GLRA3: variants seen among roughly 807,000 people sequenced by gnomAD.
The protein encoded by GLRA3 is glycine receptor subunit alpha-3.
Under a neutral mutation model 60.4 loss-of-function variants are expected in GLRA3, and 44 were observed. The ratio of observed to expected loss-of-function variants is 0.73; its 90% CI spans 0.57 to 0.94. GLRA3 has a LOEUF of 0.94. Ranked by LOEUF, GLRA3 falls within the 40% of genes least tolerant of loss-of-function variation. The pLI is 0.00. For synonymous variants in GLRA3, 223 were observed against 192.9 expected, an observed-to-expected ratio of 1.16 and a Z score of -1.29; for missense variants, 508 against 564.6, an observed-to-expected ratio of 0.90 and a Z score of 1.02.
At chr4:174,788,676 C>A in intron 2 of GLRA3, 140 bp downstream of exon 2, 57 of 298,274 alleles carry the variant, frequency 1.9e-4, no homozygotes, top group Middle Eastern at 1.0e-3. Context: ...ATTTCTTTTT[C>A]AAGACACCTT....
At chr4:174,742,776 G>T (rs1248614569) in intron 3 of GLRA3, among the ~76,000 whole-genome samples, 1 of 152,172 alleles carries the variant, frequency 6.6e-6, no homozygotes, top group Non-Finnish European at 1.5e-5. Context: ...GAAGATAATT[G>T]CTATGAATAC....
At chr4:174,778,457 AC>A (rs1275519764) in intron 2 of GLRA3, among the ~76,000 whole-genome samples, 3 of 152,124 alleles carry the variant, frequency 2.0e-5, no homozygotes, top group Non-Finnish European at 2.9e-5. Flanking sequence ...AAGAAAAAAA[AC>A]ACAGGGGGGA....
chr4:174,783,827 C>T (rs1738999807), intron 2 of GLRA3, among the ~76,000 whole-genome samples: 1 of 152,142 alleles, frequency 6.6e-6, no homozygotes, highest in African/African-American at 2.4e-5. Context: ...TCAACAGGTG[C>T]TGGAGAGGAT....
In GLRA3 at chr4:174,643,510, G is replaced by T; in HGVS notation, c.*276C>A. Reference sequence around the variant, plus strand: ...TATTATATAACATATAAACACATTGGCAGTAAAGCTTCCACTTACATGGTT... The same window carrying T: ...TATTATATAACATATAAACACATTGTCAGTAAAGCTTCCACTTACATGGTT... On this transcript the variant is annotated 3_prime_UTR_variant, in exon 10 of 10. Transcript: ENST00000274093. 2 of 1,068,302 alleles carry T rather than the reference G, an allele frequency of 1.9e-6. No individual in the cohort carries two copies. Among genetic ancestry groups the T allele is most frequent in the Non-Finnish European group, 2.3e-6 (2 of 881,256 alleles). The allele number at this position is 1,068,302 out of a possible 1,614,324, so 66.2% of individuals were successfully genotyped here.
At chr4:174,664,951 T>C (rs1383599700) in intron 7 of GLRA3, among the ~76,000 whole-genome samples, 1 of 152,136 alleles carries the variant, frequency 6.6e-6, no homozygotes. Flanking sequence ...TAATGGAGCT[T>C]ATACTCAAGT....
Position 174,783,247 on chromosome 4 carries a change from G to T in GLRA3, c.199+5569C>A, listed in dbSNP as rs1176397098. ...GATTCCCTATTTAATAAGTGGTGCT[G>T]GGAAAACTGGCTAGCCATATGTAGA... is the stretch of plus-strand genomic sequence containing the variant. On this transcript the variant is annotated intron_variant, in intron 2 of 9. Transcript: ENST00000274093. Among the ~76,000 whole-genome samples the T allele has an allele frequency of 1.4e-4, 21 of 146,244 alleles. No individual in the cohort carries two copies. In the South Asian group the frequency reaches 3.8e-3, roughly 27 times the overall value.
At chr4:174,786,482 G>T (rs1739135651) in intron 2 of GLRA3, among the ~76,000 whole-genome samples, 1 of 152,068 alleles carries the variant, frequency 6.6e-6, no homozygotes, top group African/African-American at 2.4e-5. Flanking sequence ...TTAGGTATTG[G>T]ATTCAGTTTG....
intron 5 of GLRA3, among the ~76,000 whole-genome samples, chr4:174,685,178 A>T (rs1734507841): frequency 6.6e-6 from 1 of 152,172 alleles, no homozygotes; most frequent in Non-Finnish European, 1.5e-5. Context: ...GTTAAGCTGA[A>T]TAGAACATTG....
In GLRA3 at chr4:174,641,742, C is replaced by T. The variant is rs1579374600; in HGVS notation, c.*2044G>A. The T allele has an allele frequency of 6.6e-6, 1 of 152,050 alleles. No homozygotes were observed. Among genetic ancestry groups the T allele is most frequent in the East Asian group, 1.9e-4 (1 of 5,180 alleles). 9.4% of individuals were successfully genotyped at this position (152,050 alleles called of 1,614,324 possible). A position where few individuals can be genotyped will look rare whatever the true frequency, so the allele number is the denominator to read the frequency against. Reference sequence around the variant, plus strand: ...TTTGCATTCATTATATTTCTGTTTGCTCCTGGCAGAATTCACTTAAGCAAT... The same window carrying T: ...TTTGCATTCATTATATTTCTGTTTGTTCCTGGCAGAATTCACTTAAGCAAT... On this transcript the variant is annotated 3_prime_UTR_variant, in exon 10 of 10. Transcript: ENST00000274093.
chr4:174,822,470 CA>C (rs1311284103), intron 1 of GLRA3, among the ~76,000 whole-genome samples: 1 of 152,096 alleles, frequency 6.6e-6, no homozygotes, highest in African/African-American at 2.4e-5. Context: ...AAACAGAGGA[CA>C]TTTTATTTTT....
At chr4:174,768,240 G>C (rs1289432119) in intron 2 of GLRA3, among the ~76,000 whole-genome samples, 3 of 152,112 alleles carry the variant, frequency 2.0e-5, no homozygotes, top group African/African-American at 7.2e-5. Flanking sequence ...AACTGGGAAG[G>C]TCGGTGAAAT....
intron 7 of GLRA3, among the ~76,000 whole-genome samples, chr4:174,669,192 A>C (rs1733807871): frequency 6.6e-6 from 1 of 152,126 alleles, no homozygotes; most frequent in African/African-American, 2.4e-5. Context: ...CTGTATAAGA[A>C]TTTTACATTT....
chr4:174,665,364 C>A (rs943021972), intron 7 of GLRA3, among the ~76,000 whole-genome samples: 3 of 151,880 alleles, frequency 2.0e-5, no homozygotes, highest in East Asian at 3.9e-4. Flanking sequence ...AATGCCCAGG[C>A]CAGAATAACG....
Position 174,643,393 on chromosome 4 carries a change from T to TTTTATTATCTTTA in GLRA3, c.*392_*393insTAAAGATAATAAA. ...TAGTTTTAAATCTCAAACTATTGGT[T>TTTTATTATCTTTA]TACTGTGCAAAATTTGCTTTTGTAT... is the stretch of plus-strand genomic sequence containing the variant. On this transcript the variant is annotated 3_prime_UTR_variant, in exon 10 of 10. Transcript: ENST00000274093. The TTTTATTATCTTTA allele has an allele frequency of 7.2e-5, 65 of 898,386 alleles. No homozygotes were observed. The highest frequency in any genetic ancestry group is 5.8e-4 in the Middle Eastern group (1 of 1,738). 55.7% of individuals were successfully genotyped at this position (898,386 alleles called of 1,614,324 possible).
At chr4:174,711,831 A>G (rs1375807391) in intron 5 of GLRA3, among the ~76,000 whole-genome samples, 1 of 152,162 alleles carries the variant, frequency 6.6e-6, no homozygotes, top group South Asian at 2.1e-4. Flanking sequence ...GACTTTTTCA[A>G]GGTACATTTC....
At chr4:174,801,987 C>T (rs1364596843) in intron 1 of GLRA3, among the ~76,000 whole-genome samples, 1 of 151,108 alleles carries the variant, frequency 6.6e-6, no homozygotes, top group Admixed American at 6.6e-5. Flanking sequence ...TAAAAGTAAT[C>T]CAAAGTATCT....
chr4:174,637,176 CAG>C lies in GLRA3; in HGVS notation c.*6608_*6609del, dbSNP rs998283267. The C allele has an allele frequency of 1.6e-4, 25 of 152,032 alleles. No individual in the cohort carries two copies. Among genetic ancestry groups the C allele is most frequent in the African/African-American group, 4.3e-4 (18 of 41,400 alleles). The allele number at this position is 152,032 out of a possible 1,614,324, so 9.4% of individuals were successfully genotyped here. A position where few individuals can be genotyped will look rare whatever the true frequency, so the allele number is the denominator to read the frequency against. ...GACTTAGACATAAGACTCAAGAAGA[CAG>C]AAAAATAATTTACACCATAAAAACC... On this transcript the variant is annotated 3_prime_UTR_variant, in exon 10 of 10. Transcript: ENST00000274093.
In GLRA3 at chr4:174,638,659, A is replaced by C. The variant is rs1732558275; in HGVS notation, c.*5127T>G. On this transcript the variant is annotated 3_prime_UTR_variant, in exon 10 of 10. Transcript: ENST00000274093. ...AATTAGTTGCTTGAAGAAAGAAAAAATGATAAAACTTAAAAAGTGTTAAAT... is the reference window on the plus strand; with the variant it reads ...AATTAGTTGCTTGAAGAAAGAAAAACTGATAAAACTTAAAAAGTGTTAAAT... 6.6e-6 allele frequency: 1 copy of C among 152,330 alleles called. No homozygotes were observed. The highest frequency in any genetic ancestry group is 6.5e-5 in the Admixed American group (1 of 15,302). The allele number at this position is 152,330 out of a possible 1,614,324, so 9.4% of individuals were successfully genotyped here.
chr4:174,652,416 C>T (rs927380776), intron 9 of GLRA3, among the ~76,000 whole-genome samples: 1 of 151,924 alleles, frequency 6.6e-6, no homozygotes, highest in Non-Finnish European at 1.5e-5. Flanking sequence ...TGGGCAAAAT[C>T]GCTGATTAAA....
Sources: gnomAD v4.1 joint callset for allele counts (sites outside exome capture counted in the v4.1 genomes callset) on GRCh38, gnomAD v4.1.1 for gene constraint, MANE v1.5 for transcripts, NCBI Gene and HGNC (gene_info 2026-07-23, HGNC 2026-07-21) for gene names.